Variants in MFAP3L observed in about 807,000 individuals in gnomAD.
The protein encoded by MFAP3L is microfibril associated protein 3 like, also known as microfibrillar-associated protein 3-like.
Under a neutral mutation model 20.0 loss-of-function variants are expected in MFAP3L, and 5 were observed. The observed-to-expected ratio is 0.25, with a 90% CI of 0.13 to 0.53. The LOEUF is 0.53. MFAP3L is among the 20% of genes least tolerant of loss of function. The pLI is 0.96. For synonymous variants in MFAP3L, 219 were observed against 213.0 expected (o/e 1.03, Z -0.25); for missense variants, 409 against 527.5 (o/e 0.78, Z 2.20).
At chr4:170,023,463 C>G (rs1740160410) in intron 1 of MFAP3L, among the ~76,000 whole-genome samples, 1 of 152,168 alleles carries the variant, frequency 6.6e-6, no homozygotes, top group Non-Finnish European at 1.5e-5. Flanking sequence ...GTGGTTACAC[C>G]ATGACATAAT....
In MFAP3L at chr4:170,002,106, G is replaced by C. The variant is rs142989674; in HGVS notation, c.298+3474C>G. 9.1e-6 allele frequency: 9 copies of C among 985,348 alleles called. No homozygotes were observed. In the Admixed American group the frequency reaches 4.9e-4, roughly 54 times the overall value. 61.0% of individuals were successfully genotyped at this position (985,348 alleles called of 1,614,324 possible). On this transcript the variant is annotated intron_variant, in intron 2 of 2. Transcript: ENST00000361618. ...CATGCCATGTACACACACATGTTCC[G>C]GCACAAATCCTAACACTGTCTGACC...
intron 1 of MFAP3L, 65 bp from the exon 2 acceptor site, chr4:170,006,075 A>C (rs1337240670): frequency 3.2e-6 from 4 of 1,265,862 alleles, no homozygotes; most frequent in Non-Finnish European, 4.2e-6. Flanking sequence ...AAAACACTAT[A>C]AACGGTTAGC....
chr4:170,013,574 CAATT>C, intron 1 of MFAP3L, among the ~76,000 whole-genome samples: 1 of 152,158 alleles, frequency 6.6e-6, no homozygotes, highest in South Asian at 2.1e-4. Flanking sequence ...TACGGTCATG[CAATT>C]AATTTAGTGG....
intron 2 of MFAP3L, among the ~76,000 whole-genome samples, chr4:169,998,516 G>A (rs779229427): frequency 2.6e-4 from 39 of 152,064 alleles, no homozygotes; most frequent in Admixed American, 2.4e-3. Flanking sequence ...CACTTCTACT[G>A]AAACCTTAAA....
In MFAP3L at chr4:169,992,236, C is replaced by T. The variant is rs141578578; in HGVS notation, c.372G>A (p.Thr124=). Residue 124 remains threonine (T), a synonymous_variant, in exon 3 of 3, where the codon ACG becomes ACA. Coordinates refer to ENST00000361618, the MANE Select transcript of MFAP3L (RefSeq NM_021647.8). The surrounding 1 kb of genome is among the most constrained non-coding windows in gnomAD (Gnocchi z 4.3). ...KVSFSDRGKY[T]CVASNIYGTV... ...TGCCGTAGATGTTAGAAGCCACACACGTGTATTTACCTCGGTCTGAGAAGG... is the reference window on the plus strand; with the variant it reads ...TGCCGTAGATGTTAGAAGCCACACATGTGTATTTACCTCGGTCTGAGAAGG... 5.3e-5 allele frequency: 86 copies of T among 1,614,110 alleles called. No individual in the cohort carries two copies. The highest frequency in any genetic ancestry group is 3.3e-4 in the Middle Eastern group (2 of 6,050).
chr4:169,996,034 C>A (rs1738136917), intron 2 of MFAP3L, among the ~76,000 whole-genome samples: 1 of 116,742 alleles, frequency 8.6e-6, no homozygotes, highest in African/African-American at 3.3e-5. Flanking sequence ...CCTGAAATAC[C>A]CTTCCTCCAT....
At chr4:170,002,332 G>A in intron 2 of MFAP3L, 2 of 812,834 alleles carry the variant, frequency 2.5e-6, no homozygotes, top group African/African-American at 3.7e-5. Flanking sequence ...CTGTATACAT[G>A]AGGATTAATA....
chr4:169,993,932 C>T (rs909279671), intron 2 of MFAP3L: 2 of 155,980 alleles, frequency 1.3e-5, no homozygotes, highest in African/African-American at 4.8e-5. Flanking sequence ...TCAGATGGGA[C>T]ATGGGCAAGG....
At chr4:169,994,196 C>A (rs912305738) in intron 2 of MFAP3L, 2 of 985,246 alleles carry the variant, frequency 2.0e-6, no homozygotes, top group Admixed American at 6.2e-5. Context: ...CTCATATTTA[C>A]CTTCCTTTTG....
chr4:169,994,561 T>C, intron 2 of MFAP3L: 1 of 971,892 alleles, frequency 1.0e-6, no homozygotes, highest in South Asian at 4.8e-5. Flanking sequence ...GAACTTTGAG[T>C]TTTCAGATAT....
At chr4:169,995,523 G>A (rs992272569) in intron 2 of MFAP3L, among the ~76,000 whole-genome samples, 16 of 152,186 alleles carry the variant, frequency 1.1e-4, no homozygotes, top group African/African-American at 3.9e-4. Flanking sequence ...TTGGGCTCAT[G>A]CTCAAGAAGA....
rs778134769 is a variant in MFAP3L, at chr4:169,991,519, G to C, written c.1089C>G (p.Val363=). ...CTTCAGATGTTAGCTCGGTGGACGT[G>C]ACATCGGTAGAAGGTTCTGCAGTTT... The part of the protein sequence containing the change: ...SPETAEPSTD[V]TSTELTSEEP... The change falls in exon 3 of 3, where the codon GTC becomes GTG. Residue 363 remains valine, a synonymous_variant. Coordinates refer to ENST00000361618, the MANE Select transcript of MFAP3L (RefSeq NM_021647.8). This position sits in a 1 kb window ranked among gnomAD's most constrained non-coding sequence, Gnocchi z 4.9. 1 of 1,613,938 alleles carries C rather than the reference G, an allele frequency of 6.2e-7. No individual in the cohort carries two copies. The highest frequency in any genetic ancestry group is 8.5e-7 in the Non-Finnish European group (1 of 1,180,026).
Position 169,990,749 on chromosome 4 carries a change from G to A in MFAP3L, c.*629C>T, listed in dbSNP as rs1032677178. 1.3e-5 allele frequency: 2 copies of A among 152,404 alleles called. No homozygotes were observed. Among genetic ancestry groups the A allele is most frequent in the African/African-American group, 2.4e-5 (1 of 41,420 alleles). 9.4% of individuals were successfully genotyped at this position (152,404 alleles called of 1,614,324 possible). ...GAATGAAAAAAAAATAACAAGCCTC[G>A]TAACTACTTTGGAACATGACAAATG... is the stretch of plus-strand genomic sequence containing the variant. On this transcript the variant is annotated 3_prime_UTR_variant, in exon 3 of 3. Coordinates refer to ENST00000361618, the MANE Select transcript of MFAP3L (RefSeq NM_021647.8).
intron 1 of MFAP3L, among the ~76,000 whole-genome samples, chr4:170,011,924 G>A (rs545854449): frequency 1.2e-4 from 18 of 152,292 alleles, no homozygotes; most frequent in African/African-American, 3.6e-4. Context: ...TGAAAGAAAC[G>A]ATTACAGAGA....
rs781033632 is a variant in MFAP3L at position 169,995,551 on chromosome 4, A to C, written c.299-3242T>G. Among the ~76,000 whole-genome samples the C allele has an allele frequency of 5.9e-5, 9 of 152,286 alleles. No individual in the cohort carries two copies. The Middle Eastern group carries it at 0.017, about 288-fold the overall frequency. ...CAAGAAGAATCTCCATCCACACGGC[A>C]CTTGTCCAGACAGGAACATCTCGAA... On this transcript the variant is annotated intron_variant, in intron 2 of 2. Coordinates refer to ENST00000361618, the MANE Select transcript of MFAP3L (RefSeq NM_021647.8).
At chr4:170,019,655 C>G (rs1739908041) in intron 1 of MFAP3L, among the ~76,000 whole-genome samples, 1 of 152,316 alleles carries the variant, frequency 6.6e-6, no homozygotes, top group East Asian at 1.9e-4. Context: ...TCAGCCTGCA[C>G]CTGAACTGGG....
Position 169,990,096 on chromosome 4 carries a change from G to C in MFAP3L, c.*1282C>G, listed in dbSNP as rs1018435685. ...TGTCATCTGCCCCTTCTACAGATAA[G>C]GGACCTGAGGTCCAGACTTGTCCAA... On this transcript the variant is annotated 3_prime_UTR_variant, in exon 3 of 3. Coordinates refer to ENST00000361618, the MANE Select transcript of MFAP3L (RefSeq NM_021647.8). The C allele has an allele frequency of 6.6e-6, 1 of 152,240 alleles. No individual in the cohort carries two copies. Among genetic ancestry groups the C allele is most frequent in the African/African-American group, 2.4e-5 (1 of 41,446 alleles). The allele number at this position is 152,240 out of a possible 1,614,324, so 9.4% of individuals were successfully genotyped here.
chr4:170,014,989 A>C (rs1180180454), intron 1 of MFAP3L, among the ~76,000 whole-genome samples: 1 of 152,222 alleles, frequency 6.6e-6, no homozygotes, highest in African/African-American at 2.4e-5. Context: ...GAGTGTTCTT[A>C]GCAACAGCCA....
chr4:169,993,499 G>A (rs1560966659), intron 2 of MFAP3L: 1 of 152,152 alleles, frequency 6.6e-6, no homozygotes, highest in African/African-American at 2.4e-5. Context: ...AGAAAGCCTG[G>A]TATTTCCCAA....
Sources: allele counts gnomAD v4.1 joint callset (sites outside exome capture counted in the v4.1 genomes callset), GRCh38; gene constraint gnomAD v4.1.1; non-coding constraint Gnocchi (gnomAD v3.1); transcripts MANE v1.5; gene names NCBI Gene and HGNC (gene_info 2026-07-23, HGNC 2026-07-21).